Variants in RARB observed in about 807,000 individuals in gnomAD.
RARB encodes HBV-activated protein.
RARB carries 17 observed loss-of-function variants against 51.9 expected under a neutral mutation model. The ratio of observed to expected loss-of-function variants is 0.33; its 90% CI spans 0.22 to 0.49. RARB has a LOEUF of 0.49. Among genes scored for constraint, RARB ranks in the 20% least tolerant of loss-of-function variants. The pLI is 0.99. For missense variants in RARB, 369 were observed against 550.8 expected, an observed-to-expected ratio of 0.67 and a Z score of 3.30; for synonymous variants, 215 against 195.4, an observed-to-expected ratio of 1.10 and a Z score of -0.84.
chr3:25,502,658 T>C (rs774947172), intron 3 of RARB, among the ~76,000 whole-genome samples: 1 of 152,180 alleles, frequency 6.6e-6, no homozygotes, highest in Admixed American at 6.5e-5. Context: ...TGCGTGAACA[T>C]GTAACCTAGG....
At chr3:25,098,382 G>A (rs541132499) in intron 3 of RARB, among the ~76,000 whole-genome samples, 9 of 152,194 alleles carry the variant, frequency 5.9e-5, no homozygotes, top group African/African-American at 7.2e-5. Context: ...GATCTCTATC[G>A]TGCTGTATTA....
rs569270652 is a variant in RARB, at chr3:25,576,503, C to T, written c.610-4043C>T. Among the ~76,000 whole-genome samples, 270 of 152,260 alleles carry T rather than the reference C, an allele frequency of 1.8e-3. 1 individual carries two copies. The highest frequency in any genetic ancestry group is 5.4e-3 in the Admixed American group (82 of 15,296). On this transcript the variant is annotated intron_variant, in intron 4 of 7. Transcript: ENST00000330688. Reference sequence around the variant, plus strand: ...CGACCAAGGCCCCAGATCTCTGAACCCCAGGAGTGAAGGGGCTGCAGATGG... The same window carrying T: ...CGACCAAGGCCCCAGATCTCTGAACTCCAGGAGTGAAGGGGCTGCAGATGG...
At chr3:25,467,504 A>G (rs200575174) in intron 2 of RARB, among the ~76,000 whole-genome samples, 1 of 44,226 alleles carries the variant, frequency 2.3e-5, no homozygotes, top group Non-Finnish European at 5.0e-5. Context: ...CAATCACCAT[A>G]CAATCATAGC....
chr3:25,074,513 T>G (rs566290885), intron 3 of RARB, among the ~76,000 whole-genome samples: 2 of 152,328 alleles, frequency 1.3e-5, no homozygotes, highest in African/African-American at 4.8e-5. Context: ...CCAAATCACA[T>G]GCCACATCTA....
At chr3:25,477,501 T>C (rs866868640) in intron 2 of RARB, among the ~76,000 whole-genome samples, 20 of 152,222 alleles carry the variant, frequency 1.3e-4, no homozygotes, top group Admixed American at 4.6e-4. Context: ...TATACAACAG[T>C]GAAATAACAG....
chr3:25,200,845 C>A (rs548121056), intron 5 of RARB, among the ~76,000 whole-genome samples: 1 of 152,006 alleles, frequency 6.6e-6, no homozygotes, highest in Non-Finnish European at 1.5e-5. Context: ...GTTACTGTAG[C>A]CTTGTAGTAT....
chr3:25,442,526 A>G (rs1381166802), intron 1 of RARB, among the ~76,000 whole-genome samples: 1 of 152,182 alleles, frequency 6.6e-6, no homozygotes, highest in Non-Finnish European at 1.5e-5. Flanking sequence ...TACTTCAGCT[A>G]TTATTATTCT....
chr3:25,060,003 C>T (rs1183350371), intron 2 of RARB: 1 of 151,648 alleles, frequency 6.6e-6, no homozygotes, highest in Non-Finnish European at 1.5e-5. Flanking sequence ...AAGCATCTTT[C>T]CCTATTAAAA....
intron 4 of RARB, among the ~76,000 whole-genome samples, chr3:25,161,153 C>G (rs1033459542): frequency 1.3e-5 from 2 of 150,976 alleles, no homozygotes; most frequent in African/African-American, 4.9e-5. Context: ...GCTGGGATTA[C>G]AGGCACCCAC....
intron 1 of RARB, among the ~76,000 whole-genome samples, chr3:24,853,678 C>G (rs1386015278): frequency 6.6e-6 from 1 of 152,198 alleles, no homozygotes; most frequent in Non-Finnish European, 1.5e-5. Context: ...TTCACTTTAG[C>G]CATTAAACTT....
chr3:25,138,572 T>C (rs956634827), intron 4 of RARB, among the ~76,000 whole-genome samples: 1 of 152,106 alleles, frequency 6.6e-6, no homozygotes, highest in Admixed American at 6.6e-5. Context: ...TGAGCATGAA[T>C]GGACATTTAA....
chr3:25,428,178 T>C (rs1212571516), upstream of RARB: 2 of 1,157,350 alleles, frequency 1.7e-6, no homozygotes, highest in South Asian at 4.6e-5. Flanking sequence ...GTCAGACTAG[T>C]TGGGTCATTT....
chr3:25,451,153 GT>G (rs1709178259), intron 1 of RARB, among the ~76,000 whole-genome samples: 1 of 152,242 alleles, frequency 6.6e-6, no homozygotes, highest in Non-Finnish European at 1.5e-5. Flanking sequence ...AGGGAAATGT[GT>G]TTGTGGGAGG....
chr3:25,552,966 T>C (rs1012390055), intron 3 of RARB, among the ~76,000 whole-genome samples: 3 of 152,142 alleles, frequency 2.0e-5, no homozygotes, highest in Non-Finnish European at 4.4e-5. Flanking sequence ...CTGGAGGAAT[T>C]AATGACATAC....
intron 5 of RARB, among the ~76,000 whole-genome samples, chr3:25,291,104 T>C (rs927796531): frequency 6.6e-6 from 1 of 152,160 alleles, no homozygotes; most frequent in Non-Finnish European, 1.5e-5. Flanking sequence ...CTGAAAAATA[T>C]AGAGTTGAGG....
At chr3:25,054,728 G>C (rs1194773938) in intron 2 of RARB, among the ~76,000 whole-genome samples, 1 of 152,092 alleles carries the variant, frequency 6.6e-6, no homozygotes, top group Admixed American at 6.6e-5. Context: ...AGCACAAACT[G>C]TGTCTACCTA....
chr3:25,446,517 A>G (rs1256917025), intron 1 of RARB, among the ~76,000 whole-genome samples: 1 of 152,166 alleles, frequency 6.6e-6, no homozygotes, highest in African/African-American at 2.4e-5. Context: ...AAACATTAAA[A>G]AATGGGCCGG....
chr3:25,373,528 T>C (rs78099948), intron 5 of RARB, among the ~76,000 whole-genome samples: 1 of 152,146 alleles, frequency 6.6e-6, no homozygotes, highest in Non-Finnish European at 1.5e-5. Flanking sequence ...ATCTTATTAG[T>C]GTTGAGAGAT....
At chr3:25,203,705 G>T (rs1249414243) in intron 5 of RARB, among the ~76,000 whole-genome samples, 1 of 152,098 alleles carries the variant, frequency 6.6e-6, no homozygotes, top group Non-Finnish European at 1.5e-5. Context: ...TAGTTTGGCT[G>T]GATATGAAAT....
Sources: gnomAD v4.1 joint callset for allele counts (sites outside exome capture counted in the v4.1 genomes callset) on GRCh38, gnomAD v4.1.1 for gene constraint, MANE v1.5 for transcripts, NCBI Gene and HGNC (gene_info 2026-07-23, HGNC 2026-07-21) for gene names.